Variants in FKBP15 observed in about 807,000 individuals in gnomAD.
The protein encoded by FKBP15 is FKBP prolyl isomerase family member 15.
In FKBP15, 106 loss-of-function variants were observed where a neutral mutation model predicts 158.1. The observed-to-expected ratio is 0.67, with a 90% CI of 0.57 to 0.79. The LOEUF is 0.79. FKBP15 is among the 30% of genes least tolerant of loss of function. FKBP15 has a pLI of 0.00. For missense variants in FKBP15, 1,287 were observed against 1,479.1 expected (o/e 0.87, Z 2.13); for synonymous variants, 547 against 548.6 (o/e 1.00, Z 0.04).
At chr9:113,191,322 A>AT (rs1283497531) in intron 11 of FKBP15, among the ~76,000 whole-genome samples, 1 of 151,866 alleles carries the variant, frequency 6.6e-6, no homozygotes, top group Non-Finnish European at 1.5e-5. Context: ...ACAGGCGCTA[A>AT]TTTTTTGTAT....
At chr9:113,199,388 T>C (rs1830744657) in intron 7 of FKBP15, among the ~76,000 whole-genome samples, 1 of 152,208 alleles carries the variant, frequency 6.6e-6, no homozygotes, top group Admixed American at 6.5e-5. Context: ...TCTCATATAA[T>C]ATATTGCTTT....
intron 1 of FKBP15, 146 bp from the exon 2 acceptor site, chr9:113,211,738 G>T: frequency 2.3e-6 from 1 of 441,462 alleles, no homozygotes; most frequent in Non-Finnish European, 3.9e-6. Context: ...AGCTAGGAAA[G>T]CTGATTTAAA....
Position 113,164,991 on chromosome 9 carries a change from C to CCTAT in FKBP15, c.*1083_*1086dup, listed in dbSNP as rs1358410179. ...GGCCAGATGAAGTGGAATTTTGGGT[C>CCTAT]CTATCTTTTAAAACATTTAAAATCA... On this transcript the variant is annotated 3_prime_UTR_variant, in exon 28 of 28. Coordinates refer to ENST00000238256, the MANE Select transcript of FKBP15 (RefSeq NM_015258.2). The CCTAT allele has an allele frequency of 2.0e-5, 3 of 152,194 alleles. No individual in the cohort carries two copies. Among genetic ancestry groups the CCTAT allele is most frequent in the South Asian group, 4.2e-4 (2 of 4,814 alleles). 9.4% of individuals were successfully genotyped at this position (152,194 alleles called of 1,614,324 possible). A position where few individuals can be genotyped will look rare whatever the true frequency, so the allele number is the denominator to read the frequency against.
At chr9:113,178,840 G>T in intron 19 of FKBP15, 39 bp from the exon 20 acceptor site, 1 of 1,555,886 alleles carries the variant, frequency 6.4e-7, no homozygotes, top group Non-Finnish European at 8.7e-7. Flanking sequence ...TTAAACATAG[G>T]TGTTCTCCAT....
chr9:113,182,908 A>G, intron 18 of FKBP15, 40 bp from the exon 19 acceptor site: 1 of 1,543,564 alleles, frequency 6.5e-7, no homozygotes, highest in Non-Finnish European at 8.9e-7. Context: ...TTTATCAAGC[A>G]CTGAGTGTAT....
At chr9:113,219,063 A>C (rs988926836) in intron 1 of FKBP15, among the ~76,000 whole-genome samples, 1 of 152,240 alleles carries the variant, frequency 6.6e-6, no homozygotes, top group African/African-American at 2.4e-5. Flanking sequence ...ACTGTGCCTT[A>C]TTCCTATCTG....
chr9:113,207,839 G>C (rs1830922601), intron 2 of FKBP15, among the ~76,000 whole-genome samples: 1 of 152,110 alleles, frequency 6.6e-6, no homozygotes, highest in Non-Finnish European at 1.5e-5. Flanking sequence ...TGAAACCCAT[G>C]ACTCCAACTC....
chr9:113,215,639 T>C (rs1410104521), intron 1 of FKBP15, among the ~76,000 whole-genome samples: 1 of 117,970 alleles, frequency 8.5e-6, no homozygotes, highest in Non-Finnish European at 1.7e-5. Context: ...TATATATATA[T>C]ATATATTTTT....
At chr9:113,212,199 T>G (rs1337648923) in intron 1 of FKBP15, among the ~76,000 whole-genome samples, 1 of 151,184 alleles carries the variant, frequency 6.6e-6, no homozygotes, top group African/African-American at 2.4e-5. Flanking sequence ...TTTGTTTTTG[T>G]TTTTTTTTAG....
In FKBP15 at chr9:113,165,220, A is replaced by T. The variant is rs552757119; in HGVS notation, c.*858T>A. 1 of 152,324 alleles carries T rather than the reference A, an allele frequency of 6.6e-6. No homozygotes were observed. The highest frequency in any genetic ancestry group is 2.4e-5 in the African/African-American group (1 of 41,556). 9.4% of individuals were successfully genotyped at this position (152,324 alleles called of 1,614,324 possible). A position where few individuals can be genotyped will look rare whatever the true frequency, so the allele number is the denominator to read the frequency against. On this transcript the variant is annotated 3_prime_UTR_variant, in exon 28 of 28. Coordinates refer to ENST00000238256, the MANE Select transcript of FKBP15 (RefSeq NM_015258.2). ...TCAGGTGCCATGAACAATGGAAAGA[A>T]GGGACCCTCTCACCTTCTTTGCATG... is the stretch of plus-strand genomic sequence containing the variant.
chr9:113,177,499 T>C (rs1830320909), intron 20 of FKBP15, among the ~76,000 whole-genome samples: 1 of 152,326 alleles, frequency 6.6e-6, no homozygotes, highest in South Asian at 2.1e-4. Flanking sequence ...AGGGAAGAGA[T>C]GGGCTGGGAG....
intron 7 of FKBP15, 63 bp downstream of exon 7, chr9:113,199,751 C>T (rs1271134570): frequency 6.6e-7 from 1 of 1,504,376 alleles, no homozygotes; most frequent in East Asian, 2.4e-5. Flanking sequence ...ATAGTATCTT[C>T]CCTGGGAATA....
intron 1 of FKBP15, among the ~76,000 whole-genome samples, chr9:113,215,581 CATATGTGTGAATAT>C: frequency 7.2e-6 from 1 of 138,162 alleles, no homozygotes; most frequent in Non-Finnish European, 1.5e-5. Context: ...AACATATATA[CATATGTGTGAATAT>C]ATATGTGTGC....
intron 19 of FKBP15, among the ~76,000 whole-genome samples, chr9:113,180,043 T>C (rs941148480): frequency 6.6e-6 from 1 of 152,096 alleles, no homozygotes; most frequent in Non-Finnish European, 1.5e-5. Context: ...TAGCTCAGAG[T>C]TCACTAATAA....
At chr9:113,181,674 T>G (rs1830399284) in intron 19 of FKBP15, among the ~76,000 whole-genome samples, 1 of 152,226 alleles carries the variant, frequency 6.6e-6, no homozygotes, top group Admixed American at 6.5e-5. Context: ...GTAATCATTT[T>G]AGCCCTGAAT....
chr9:113,186,439 G>A (rs1830487816), intron 14 of FKBP15, 76 bp from the exon 15 acceptor site: 2 of 1,077,522 alleles, frequency 1.9e-6, no homozygotes, highest in Non-Finnish European at 2.8e-6. Flanking sequence ...TTCTTTGGTG[G>A]AATAAAGTGG....
In FKBP15 at chr9:113,178,721, CT is replaced by C. The variant is rs774060142; in HGVS notation, c.1994del (p.Lys665ArgfsTer9). 6.2e-7 allele frequency: 1 copy of C among 1,608,714 alleles called. No homozygotes were observed. The highest frequency in any genetic ancestry group is 8.5e-7 in the Non-Finnish European group (1 of 1,177,532). ...LQLKMTAHQK[K>X]ETELQMQLTE... Reference sequence around the variant, plus strand: ...TCAGCTGCATCTGCAGCTCTGTTTCCTTTTTTTGGTGAGCAGTCATTTTCAG... The same window carrying C: ...TCAGCTGCATCTGCAGCTCTGTTTCCTTTTTTGGTGAGCAGTCATTTTCAG... On this transcript the variant is annotated frameshift_variant, in exon 20 of 28. Coordinates refer to ENST00000238256, the MANE Select transcript of FKBP15 (RefSeq NM_015258.2). LOFTEE classifies it high-confidence loss of function.
rs747424042 is a variant in FKBP15 at position 113,169,225 on chromosome 9, T to C, written c.3484A>G (p.Ser1162Gly). 1 of 1,611,696 alleles carries C rather than the reference T, an allele frequency of 6.2e-7. No homozygotes were observed. The highest frequency in any genetic ancestry group is 1.1e-5 in the South Asian group (1 of 90,746). ...GAAGCAGTGCTCAGAGGAACATACC[T>C]GGAACGCTGGGAATGATGGCTGGGT... ...LRPSHHSQRS[S>G]LSGDEEDELF... The change falls in exon 26 of 28, where the codon AGT becomes GGT. Residue 1162 changes from serine to glycine, a missense_variant and splice_region_variant. By Grantham distance (56) the Ser-to-Gly change is moderately conservative. Coordinates refer to ENST00000238256, the MANE Select transcript of FKBP15 (RefSeq NM_015258.2).
At chr9:113,180,381 C>A (rs1009931785) in intron 19 of FKBP15, among the ~76,000 whole-genome samples, 2 of 150,302 alleles carry the variant, frequency 1.3e-5, no homozygotes, top group Non-Finnish European at 3.0e-5. Context: ...ACAGATGCAA[C>A]TTTTATGATC....
Sources: allele counts gnomAD v4.1 joint callset (sites outside exome capture counted in the v4.1 genomes callset), GRCh38; gene constraint gnomAD v4.1.1; transcripts MANE v1.5; gene names NCBI Gene and HGNC (gene_info 2026-07-23, HGNC 2026-07-21).